MAGI1: variants seen among roughly 807,000 people sequenced by gnomAD.
The protein encoded by MAGI1 is membrane-associated guanylate kinase, WW and PDZ domain-containing protein 1.
Under a neutral mutation model 139.9 loss-of-function variants are expected in MAGI1, and 58 were observed. The observed-to-expected ratio is 0.41, with a 90% CI of 0.34 to 0.52. The LOEUF is 0.52. Among genes scored for constraint, MAGI1 ranks in the 20% least tolerant of loss-of-function variants. The pLI is 0.12. For synonymous variants in MAGI1, 812 were observed against 737.9 expected (o/e 1.10, Z -1.63); for missense variants, 1,874 against 1,901.6 (o/e 0.99, Z 0.27).
At chr3:65,731,126 C>A (rs2034145533) in intron 1 of MAGI1, among the ~76,000 whole-genome samples, 1 of 152,072 alleles carries the variant, frequency 6.6e-6, no homozygotes, top group Non-Finnish European at 1.5e-5. Context: ...AACATATAAC[C>A]CATACCCCAT....
chr3:65,447,490 C>T (rs1435079923), intron 7 of MAGI1, among the ~76,000 whole-genome samples: 3 of 152,198 alleles, frequency 2.0e-5, no homozygotes, highest in East Asian at 3.9e-4. Flanking sequence ...GTCAACAACA[C>T]GTGGTCTGGG....
At chr3:65,905,033 C>T (rs1194068321) in intron 1 of MAGI1, among the ~76,000 whole-genome samples, 1 of 152,186 alleles carries the variant, frequency 6.6e-6, no homozygotes, top group South Asian at 2.1e-4. Flanking sequence ...CAGAACCCCA[C>T]ATTACAATAC....
chr3:65,561,625 AAGGAGTTT>A (rs2080352737), intron 2 of MAGI1, among the ~76,000 whole-genome samples: 1 of 152,220 alleles, frequency 6.6e-6, no homozygotes, highest in African/African-American at 2.4e-5. Flanking sequence ...ACAAGCTGAA[AAGGAGTTT>A]TAGAAATAAT....
chr3:65,793,370 T>A (rs2039914938), intron 1 of MAGI1, among the ~76,000 whole-genome samples: 1 of 152,214 alleles, frequency 6.6e-6, no homozygotes, highest in African/African-American at 2.4e-5. Context: ...TGAACTCTCA[T>A]TCACAGAGTC....
At chr3:65,404,024 C>T (rs1301302912) in intron 12 of MAGI1, among the ~76,000 whole-genome samples, 1 of 152,178 alleles carries the variant, frequency 6.6e-6, no homozygotes, top group African/African-American at 2.4e-5. Flanking sequence ...GCAGGCACAG[C>T]AGGAGACAGG....
rs1204814123 is a variant in MAGI1 at position 65,381,924 on chromosome 3, T to C, written c.2654A>G (p.Lys885Arg). The C allele has an allele frequency of 2.5e-6, 4 of 1,613,942 alleles. No homozygotes were observed. Among genetic ancestry groups the C allele is most frequent in the Admixed American group, 1.7e-5 (1 of 59,986 alleles). The change falls in exon 16 of 23, where the codon AAG (lysine) becomes AGG (arginine). Residue 885 changes from lysine (K) to arginine (R), a missense_variant. By Grantham distance (26) the Lys-to-Arg change is conservative (BLOSUM62 2). Coordinates refer to ENST00000402939, the MANE Select transcript of MAGI1 (RefSeq NM_001033057.2). Reference sequence around the variant, plus strand: ...CACCGTGAGATTGACGTGGCCTTGCTTGGCAGCTTGTTGCATAAGCTGGAC... The same window carrying C: ...CACCGTGAGATTGACGTGGCCTTGCCTGGCAGCTTGTTGCATAAGCTGGAC... ...LVVQLMQQAA[K>R]QGHVNLTVRR...
At chr3:65,968,416 T>C (rs940574793) in intron 1 of MAGI1, among the ~76,000 whole-genome samples, 2 of 152,098 alleles carry the variant, frequency 1.3e-5, no homozygotes, top group Non-Finnish European at 2.9e-5. Flanking sequence ...TACAGAACAC[T>C]GATTCAAAGG....
chr3:65,971,757 G>A (rs1352503034), intron 1 of MAGI1, among the ~76,000 whole-genome samples: 3 of 152,114 alleles, frequency 2.0e-5, no homozygotes, highest in Non-Finnish European at 4.4e-5. Context: ...CCAGCTTCCT[G>A]CCTGACACAC....
chr3:65,764,659 T>C (rs931700059), intron 1 of MAGI1, among the ~76,000 whole-genome samples: 1 of 152,212 alleles, frequency 6.6e-6, no homozygotes, highest in African/African-American at 2.4e-5. Context: ...ACAGCAGACA[T>C]CTACCATCCA....
At chr3:66,009,953 G>A (rs929481467) in intron 1 of MAGI1, among the ~76,000 whole-genome samples, 1 of 151,864 alleles carries the variant, frequency 6.6e-6, no homozygotes, top group African/African-American at 2.4e-5. Context: ...GTGGGTGCCT[G>A]TAATCCCAGT....
At chr3:65,945,000 C>T (rs1438244771) in intron 1 of MAGI1, among the ~76,000 whole-genome samples, 1 of 152,090 alleles carries the variant, frequency 6.6e-6, no homozygotes, top group Non-Finnish European at 1.5e-5. Flanking sequence ...AGGACGGGAA[C>T]CAAATTCATC....
chr3:65,651,299 C>T (rs1423532691), intron 1 of MAGI1, among the ~76,000 whole-genome samples: 2 of 152,126 alleles, frequency 1.3e-5, no homozygotes, highest in African/African-American at 2.4e-5. Context: ...AAGAACAAAA[C>T]AAAACATTGC....
chr3:65,978,325 T>C (rs149022612), intron 1 of MAGI1, among the ~76,000 whole-genome samples: 73 of 152,302 alleles, frequency 4.8e-4, no homozygotes, highest in African/African-American at 1.7e-3. Flanking sequence ...GTCTGGAAGT[T>C]TGTGGCTCTA....
intron 1 of MAGI1, among the ~76,000 whole-genome samples, chr3:66,034,222 A>C (rs1369127779): frequency 7.3e-6 from 1 of 137,718 alleles, no homozygotes; most frequent in African/African-American, 2.7e-5. Context: ...AGGAATCTGG[A>C]TTTCTAACCA....
intron 1 of MAGI1, among the ~76,000 whole-genome samples, chr3:65,998,018 G>A (rs374163226): frequency 6.6e-5 from 10 of 151,110 alleles, no homozygotes; most frequent in East Asian, 2.0e-4. Flanking sequence ...CTGGAGAAAC[G>A]CTTGAACCCG....
chr3:65,970,326 G>A (rs559549762), intron 1 of MAGI1, among the ~76,000 whole-genome samples: 14 of 152,106 alleles, frequency 9.2e-5, no homozygotes, highest in Admixed American at 2.0e-4. Context: ...TTGGTTGCCA[G>A]GGATCGGGGG....
chr3:65,860,315 A>G (rs981642047), intron 1 of MAGI1, among the ~76,000 whole-genome samples: 2 of 152,194 alleles, frequency 1.3e-5, no homozygotes, highest in African/African-American at 4.8e-5. Flanking sequence ...AGATTTATGA[A>G]TCGCAAATAA....
At chr3:65,673,953 T>C (rs1191255591) in intron 1 of MAGI1, among the ~76,000 whole-genome samples, 1 of 152,118 alleles carries the variant, frequency 6.6e-6, no homozygotes, top group Non-Finnish European at 1.5e-5. Context: ...TATTTAAGCA[T>C]ACACAGCTGG....
intron 6 of MAGI1, among the ~76,000 whole-genome samples, chr3:65,450,819 T>A (rs1948989969): frequency 6.6e-6 from 1 of 152,218 alleles, no homozygotes; most frequent in African/African-American, 2.4e-5. Flanking sequence ...ACACCTCATA[T>A]GTATGACCTA....
Sources: gnomAD v4.1 joint callset for allele counts (sites outside exome capture counted in the v4.1 genomes callset) on GRCh38, gnomAD v4.1.1 for gene constraint, MANE v1.5 for transcripts, NCBI Gene and HGNC (gene_info 2026-07-23, HGNC 2026-07-21) for gene names.